Variants in TP63 observed in about 807,000 individuals in gnomAD.
The protein encoded by TP63 is tumor protein 63.
A neutral mutation model predicts 82.8 loss-of-function variants in TP63; 17 were observed. The ratio of observed to expected loss-of-function variants is 0.21; its 90% CI spans 0.14 to 0.31. TP63 has a LOEUF of 0.31. Ranked by LOEUF, TP63 falls within the 10% of genes least tolerant of loss-of-function variation. The probability of loss-of-function intolerance (pLI) is 1.00; values close to 1 mark genes in which losing one functional copy is unlikely to be tolerated. For missense variants in TP63, 648 were observed against 895.3 expected (o/e 0.72, Z 3.52); for synonymous variants, 330 against 321.7 (o/e 1.03, Z -0.28).
rs146071725 is a variant in TP63, at chr3:189,733,038, C to CTT, written c.63-4702_63-4701insTT. ...GGAGATCCTGGTCTCCATGCTGTCA[C>CTT]GTGCAAGGAAGCTGAAGTTTGAGGA... On this transcript the variant is annotated intron_variant, in intron 1 of 13. Coordinates refer to ENST00000264731, the MANE Select transcript of TP63 (RefSeq NM_003722.5). Among the ~76,000 whole-genome samples, 563 of 152,218 alleles carry CTT rather than the reference C, an allele frequency of 3.7e-3. 2 individuals carry two copies. Among genetic ancestry groups the CTT allele is most frequent in the Non-Finnish European group, 6.1e-3 (412 of 68,012 alleles).
chr3:189,704,875 C>G (rs1275832572), intron 1 of TP63, among the ~76,000 whole-genome samples: 1 of 152,172 alleles, frequency 6.6e-6, no homozygotes, highest in Non-Finnish European at 1.5e-5. Context: ...AATCTCTCAT[C>G]CATGAAAATT....
At chr3:189,823,105 C>A (rs1728965429) in intron 4 of TP63, among the ~76,000 whole-genome samples, 1 of 152,150 alleles carries the variant, frequency 6.6e-6, no homozygotes, top group Admixed American at 6.5e-5. Flanking sequence ...CTTTTCTATG[C>A]CAGACCATTG....
chr3:189,734,908 GCTC>G lies in TP63; in HGVS notation c.63-2829_63-2827del, dbSNP rs372304439. Among the ~76,000 whole-genome samples the G allele has an allele frequency of 8.1e-3, 1,236 of 152,012 alleles. 13 individuals are homozygous for G. The highest frequency in any genetic ancestry group is 0.027 in the African/African-American group (1,121 of 41,466). Reference sequence around the variant, plus strand: ...CTTGAAATTTTCTCTCTCCACACTAGCTCCTTCCTCTTTAGGCATAATTCAGGT... The same window carrying G: ...CTTGAAATTTTCTCTCTCCACACTAGCTTCCTCTTTAGGCATAATTCAGGT... On this transcript the variant is annotated intron_variant, in intron 1 of 13. Transcript: ENST00000264731.
intron 1 of TP63, chr3:189,645,332 T>C (rs1389004925): frequency 7.7e-6 from 4 of 520,786 alleles, no homozygotes; most frequent in Non-Finnish European, 1.5e-5. Flanking sequence ...CACTTTCAGA[T>C]CTTTCTTGAA....
rs189762755 is a variant in TP63 at position 189,855,824 on chromosome 3, A to G, written c.580-8408A>G. On this transcript the variant is annotated intron_variant, in intron 4 of 13. Transcript: ENST00000264731. ...TTTTTTTCCAGAATTCTGTGTGCACATGTTTTGACAATGATGAAATATTAA... is the reference window on the plus strand; with the variant it reads ...TTTTTTTCCAGAATTCTGTGTGCACGTGTTTTGACAATGATGAAATATTAA... Among the ~76,000 whole-genome samples, 51 of 152,202 alleles carry G rather than the reference A, an allele frequency of 3.4e-4. 1 individual carries two copies. The East Asian group carries it at 9.5e-3, about 28-fold the overall frequency.
intron 1 of TP63, among the ~76,000 whole-genome samples, chr3:189,657,449 G>A (rs1326467128): frequency 6.6e-6 from 1 of 152,036 alleles, no homozygotes; most frequent in Non-Finnish European, 1.5e-5. Context: ...GATGAAAAAG[G>A]TGCTGACCTA....
At chr3:189,605,911 C>T in the TP63 span, among the ~76,000 whole-genome samples, 1 of 152,094 alleles carries the variant, frequency 6.6e-6, no homozygotes, top group Non-Finnish European at 1.5e-5. Context: ...TTCATAGTTT[C>T]AAAGGGCAGA....
the TP63 span, among the ~76,000 whole-genome samples, chr3:189,610,305 A>G: frequency 1.3e-5 from 2 of 151,926 alleles, no homozygotes; most frequent in Admixed American, 6.6e-5. Context: ...GTTTGCAAAA[A>G]TGTTCTCTGC....
chr3:189,728,242 G>C (rs560869489), intron 1 of TP63, among the ~76,000 whole-genome samples: 17 of 151,680 alleles, frequency 1.1e-4, no homozygotes, highest in Admixed American at 3.3e-4. Flanking sequence ...CTACGGATCT[G>C]TCCAAAAAAT....
chr3:189,887,887 G>A (rs147759295), intron 11 of TP63, among the ~76,000 whole-genome samples: 4,577 of 139,128 alleles, frequency 0.033, 88 homozygotes, highest in Middle Eastern at 0.14. Context: ...ACAGAGTTTC[G>A]CTCTTGTTGC....
intron 4 of TP63, among the ~76,000 whole-genome samples, chr3:189,860,147 A>G (rs540951187): frequency 6.6e-6 from 1 of 152,278 alleles, no homozygotes; most frequent in East Asian, 1.9e-4. Context: ...ACCCCCATAC[A>G]AAAAAGAATA....
intron 4 of TP63, among the ~76,000 whole-genome samples, chr3:189,826,831 ATAC>A (rs1711518848): frequency 6.6e-6 from 1 of 152,212 alleles, no homozygotes; most frequent in South Asian, 2.1e-4. Context: ...TGAAGGCCCC[ATAC>A]TATGAGGTCT....
At chr3:189,801,681 C>G (rs1350535445) in intron 3 of TP63, among the ~76,000 whole-genome samples, 3 of 152,088 alleles carry the variant, frequency 2.0e-5, no homozygotes, top group African/African-American at 7.2e-5. Flanking sequence ...GTATTTATTT[C>G]TCTCACCTGC....
intron 1 of TP63, among the ~76,000 whole-genome samples, chr3:189,652,376 A>G (rs1712970243): frequency 6.8e-6 from 1 of 147,042 alleles, no homozygotes; most frequent in Non-Finnish European, 1.5e-5. Flanking sequence ...TCAACCTTGC[A>G]TGGGGCCTAT....
chr3:189,626,964 G>C (rs995394857), upstream of TP63, among the ~76,000 whole-genome samples: 3 of 151,974 alleles, frequency 2.0e-5, no homozygotes, highest in African/African-American at 7.3e-5. Flanking sequence ...GCTTTAGGTA[G>C]GCAGAATCAG....
intron 3 of TP63, among the ~76,000 whole-genome samples, chr3:189,752,457 A>G (rs1042898159): frequency 2.0e-5 from 3 of 152,158 alleles, no homozygotes; most frequent in Non-Finnish European, 4.4e-5. Context: ...CTAAGATTAC[A>G]ATTGTGAGCC....
intron 1 of TP63, among the ~76,000 whole-genome samples, chr3:189,635,135 T>C (rs1231668400): frequency 1.3e-5 from 2 of 152,150 alleles, no homozygotes; most frequent in Admixed American, 6.6e-5. Flanking sequence ...AAATATTTTG[T>C]ATTGTTTCTT....
chr3:189,867,696 G>C, intron 6 of TP63, 137 bp from the exon 7 acceptor site: 1 of 791,700 alleles, frequency 1.3e-6, no homozygotes, highest in East Asian at 2.7e-5. Flanking sequence ...TCTACAACAG[G>C]GTTCAGAGTT....
At chr3:189,848,341 C>G (rs1319951004) in intron 4 of TP63, among the ~76,000 whole-genome samples, 1 of 149,008 alleles carries the variant, frequency 6.7e-6, no homozygotes, top group Non-Finnish European at 1.5e-5. Flanking sequence ...CTCAAGTGAT[C>G]CTCTGCACCT....
Sources: allele counts gnomAD v4.1 joint callset (sites outside exome capture counted in the v4.1 genomes callset), GRCh38; gene constraint gnomAD v4.1.1; transcripts MANE v1.5; gene names NCBI Gene and HGNC (gene_info 2026-07-23, HGNC 2026-07-21).